Variants in ZNF69 observed in about 807,000 individuals in gnomAD.
The protein encoded by ZNF69 is ZNF3.
ZNF69 carries 47 observed loss-of-function variants against 50.9 expected under a neutral mutation model. The ratio of observed to expected loss-of-function variants is 0.92; its 90% confidence interval spans 0.73 to 1.18. The LOEUF is 1.18. Among genes scored for constraint, ZNF69 ranks in the 50% most tolerant of loss-of-function variants. The pLI is 0.00. For missense variants in ZNF69, 717 were observed against 675.1 expected (o/e 1.06, Z -0.69); for synonymous variants, 216 against 223.1 (o/e 0.97, Z 0.29).
the ZNF69 span, among the ~76,000 whole-genome samples, chr19:11,921,486 TTTTG>T: frequency 0.14 from 20,435 of 150,670 alleles, 3,213 homozygotes; most frequent in African/African-American, 0.39. Context: ...GGAAAATTTC[TTTTG>T]TTTGTTTGTT....
the ZNF69 span, among the ~76,000 whole-genome samples, chr19:11,970,939 A>T: frequency 1.3e-5 from 2 of 148,826 alleles, no homozygotes; most frequent in Admixed American, 6.7e-5. Flanking sequence ...TTCAAAAAAT[A>T]AAAAAAAAAC....
intron 1 of ZNF69, among the ~76,000 whole-genome samples, chr19:11,894,305 G>A (rs1235746271): frequency 6.6e-6 from 1 of 152,142 alleles, no homozygotes; most frequent in Non-Finnish European, 1.5e-5. Context: ...GAGTAGCTGG[G>A]ACTACAGGAG....
the ZNF69 span, among the ~76,000 whole-genome samples, chr19:11,972,062 CAAA>C: frequency 1.8e-5 from 2 of 111,930 alleles, no homozygotes. Context: ...AACTTTGTCT[CAAA>C]AAAAAAAAAA....
At chr19:11,947,959 A>G in the ZNF69 span, among the ~76,000 whole-genome samples, 7,375 of 152,340 alleles carry the variant, frequency 0.048, 240 homozygotes, top group African/African-American at 0.084. Flanking sequence ...GCAGTAAGCT[A>G]TGATGATATC....
At chr19:11,978,787 A>T in the ZNF69 span, 13 of 1,614,156 alleles carry the variant, frequency 8.1e-6, no homozygotes, top group South Asian at 1.3e-4. Context: ...GAATGTAAAC[A>T]ATGTGGCAAA....
chr19:11,963,118 T>TGTGTGTGTGTGTGTG, the ZNF69 span, among the ~76,000 whole-genome samples: 2 of 139,152 alleles, frequency 1.4e-5, no homozygotes, highest in Admixed American at 7.0e-5. Flanking sequence ...TGTGTGTGTG[T>TGTGTGTGTGTGTGTG]TTTGAGACAG....
chr19:11,957,894 G>T, the ZNF69 span, among the ~76,000 whole-genome samples: 5 of 152,178 alleles, frequency 3.3e-5, no homozygotes, highest in African/African-American at 1.2e-4. Flanking sequence ...ACTGAAGCAT[G>T]CTTTGGTAGA....
downstream of ZNF69, among the ~76,000 whole-genome samples, chr19:11,911,333 A>G (rs1486816759): frequency 6.6e-6 from 1 of 152,246 alleles, no homozygotes; most frequent in East Asian, 1.9e-4. Flanking sequence ...GTATATACCC[A>G]AAGGATTATA....
chr19:11,974,074 TTTCTTTCTTTC>T, the ZNF69 span, among the ~76,000 whole-genome samples: 4 of 56,888 alleles, frequency 7.0e-5, no homozygotes, highest in Admixed American at 1.8e-4. Context: ...CTTTCTTTTC[TTTCTTTCTTTC>T]TTTCTTTCTT....
At chr19:11,925,122 T>G in the ZNF69 span, 3 of 1,520,808 alleles carry the variant, frequency 2.0e-6, no homozygotes, top group South Asian at 3.4e-5. Context: ...CCTTCCTCGC[T>G]GCGCGGGCGG....
the ZNF69 span, chr19:11,978,663 G>T: frequency 6.2e-7 from 1 of 1,614,024 alleles, no homozygotes; most frequent in Non-Finnish European, 8.5e-7. Flanking sequence ...TCGAATACAT[G>T]AAAGAACTCA....
At chr19:11,888,859 G>A (rs2145204608) in intron 1 of ZNF69, among the ~76,000 whole-genome samples, 1 of 152,288 alleles carries the variant, frequency 6.6e-6, no homozygotes, top group Non-Finnish European at 1.5e-5. Context: ...TGTAATCCCA[G>A]CTACTCGGGA....
the ZNF69 span, among the ~76,000 whole-genome samples, chr19:11,951,991 A>G: frequency 2.0e-5 from 3 of 152,160 alleles, no homozygotes; most frequent in African/African-American, 7.2e-5. Context: ...CCTGACCAAT[A>G]TGATGAAACC....
rs755996090 is a variant in ZNF69 at position 11,904,754 on chromosome 19, T to G, written c.357T>G (p.Ala119=). ...GGCTGAACTTCCAGGAGAAGAAAGC[T>G]TCTCCTGAAATAAAATCATGTGACA... The part of the protein sequence containing the change: ...DDRLNFQEKK[A]SPEIKSCDSF... Residue 119 remains alanine, a synonymous_variant, in exon 4 of 4, where the codon GCT becomes GCG. Coordinates refer to ENST00000429654, the MANE Select transcript of ZNF69 (RefSeq NM_001364730.1). The G allele has an allele frequency of 1.2e-4, 186 of 1,613,084 alleles. No homozygotes were observed. Among genetic ancestry groups the G allele is most frequent in the Non-Finnish European group, 1.5e-4 (176 of 1,179,622 alleles).
At chr19:11,978,505 A>C in the ZNF69 span, 1 of 1,614,214 alleles carries the variant, frequency 6.2e-7, no homozygotes, top group Non-Finnish European at 8.5e-7. Context: ...ATGGTAATGC[A>C]CAGTGGGGAT....
chr19:11,950,187 A>G, the ZNF69 span: 13 of 1,613,870 alleles, frequency 8.1e-6, 1 homozygote, highest in South Asian at 1.4e-4. Flanking sequence ...CCTTGCATAT[A>G]CACGCAAGGA....
chr19:11,925,104 T>C, the ZNF69 span: 1 of 1,367,496 alleles, frequency 7.3e-7, no homozygotes, highest in South Asian at 1.2e-5. Flanking sequence ...AGGGGGTCGC[T>C]TTCCTCACCT....
the ZNF69 span, chr19:11,978,654 C>T: frequency 1.2e-3 from 1,916 of 1,614,030 alleles, 13 homozygotes; most frequent in Non-Finnish European, 6.9e-4. Context: ...TGCTACCCAT[C>T]GAATACATGA....
chr19:11,927,978 A>C, the ZNF69 span, among the ~76,000 whole-genome samples: 1 of 152,080 alleles, frequency 6.6e-6, no homozygotes, highest in African/African-American at 2.4e-5. Flanking sequence ...TTTCCATAGA[A>C]GGCTGATGTA....
Sources: gnomAD v4.1 joint callset for allele counts (sites outside exome capture counted in the v4.1 genomes callset) on GRCh38, gnomAD v4.1.1 for gene constraint, MANE v1.5 for transcripts, NCBI Gene and HGNC (gene_info 2026-07-23, HGNC 2026-07-21) for gene names.